Variants in PRDM14 observed in about 807,000 individuals in gnomAD.
The protein encoded by PRDM14 is PR domain zinc finger protein 14.
In PRDM14, 16 loss-of-function variants were observed where a neutral mutation model predicts 48.0. That is an observed-to-expected ratio of 0.33 (90% CI 0.23 to 0.51). The LOEUF is 0.51. Among genes scored for constraint, PRDM14 ranks in the 20% least tolerant of loss-of-function variants. The pLI, the probability that PRDM14 is intolerant of heterozygous loss-of-function variation, is 0.97. For synonymous variants in PRDM14, 264 were observed against 276.6 expected (o/e 0.95, Z 0.45); for missense variants, 566 against 719.6 (o/e 0.79, Z 2.44).
At position 70,069,744 on chromosome 8, in the gene PRDM14, G is replaced by T; in HGVS notation, c.117C>A (p.Tyr39Ter). 1 of 1,604,214 alleles carries T rather than the reference G, an allele frequency of 6.2e-7. No homozygotes were observed. The highest frequency in any genetic ancestry group is 1.1e-5 in the South Asian group (1 of 89,292). The change falls in exon 2 of 8, where the codon TAC becomes TAA. Residue 39 changes from tyrosine to a stop codon, truncating the protein, a stop_gained. Transcript: ENST00000276594. LOFTEE classifies it high-confidence loss of function. ...CCTCCACGGTGGCCAGGCTGTTTCT[G>T]TAGTGTCCATAGGACGGGAAAGGCG... is the stretch of plus-strand genomic sequence containing the variant. ...YYTPFPSYGH[Y>*]RNSLATVEED...
chr8:70,066,220 A>T lies in PRDM14; in HGVS notation c.1183+15T>A, dbSNP rs1805664270. 6.2e-7 allele frequency: 1 copy of T among 1,610,684 alleles called. No homozygotes were observed. Among genetic ancestry groups the T allele is most frequent in the East Asian group, 2.2e-5 (1 of 44,870 alleles). On this transcript the variant is annotated intron_variant, in intron 5 of 7. Transcript: ENST00000276594. ...TGGGATGCCCTCATTGGGCAAGGCG[A>T]GGGTGTGCACTCACCTTCAGAGGGC... is the stretch of plus-strand genomic sequence containing the variant.
In PRDM14 at chr8:70,066,265, G is replaced by A. The variant is rs762464897; in HGVS notation, c.1153C>T (p.Pro385Ser). The A allele has an allele frequency of 5.6e-6, 9 of 1,614,004 alleles. No individual in the cohort carries two copies. In the Admixed American group the frequency reaches 1.0e-4, roughly 18 times the overall value. The change falls in exon 5 of 8, where the codon CCG becomes TCG. Residue 385 changes from proline to serine, a missense_variant. Pro to Ser is a moderately conservative substitution (Grantham distance 74). This residue lies in a region of PRDM14 where 126 missense variants were observed against 271.6 expected (regional missense o/e 0.46). Coordinates refer to ENST00000276594, the MANE Select transcript of PRDM14 (RefSeq NM_024504.4). The stretch of plus-strand genomic sequence containing the variant: ...GAGGGCCCAGATGGCTGCTTCCCCG[G>A]CTCTGTGACCTGAAGGCTCACAGGA... ...DIPVSLQVTE[P>S]GKQPSGPSEE...
chr8:70,070,105 G>C (rs918499759), intron 1 of PRDM14, among the ~76,000 whole-genome samples: 1 of 152,206 alleles, frequency 6.6e-6, no homozygotes, highest in African/African-American at 2.4e-5. Context: ...AATCTGCCGG[G>C]ATCCTGCCCT....
intron 5 of PRDM14, among the ~76,000 whole-genome samples, chr8:70,064,890 C>CTT (rs764933551): frequency 1.5e-5 from 2 of 135,996 alleles, no homozygotes; most frequent in Admixed American, 7.5e-5. Context: ...CTCTCTCTCT[C>CTT]TTTTTTTTTT....
Position 70,069,030 on chromosome 8 carries a change from T to A in PRDM14, c.700+131A>T, listed in dbSNP as rs149036929. On this transcript the variant is annotated intron_variant, in intron 2 of 7. Transcript: ENST00000276594. ...AGTGAGCCTAGAACAGCCCTGGCTC[T>A]CATGGAGGTACTTCCCCCTTCCCGC... The A allele has an allele frequency of 3.2e-4, 225 of 701,898 alleles. 1 individual carries two copies. The African/African-American group carries it at 3.7e-3, about 11-fold the overall frequency. The allele number at this position is 701,898 out of a possible 1,614,324, so 43.5% of individuals were successfully genotyped here.
chr8:70,055,221 C>A, intron 7 of PRDM14, 79 bp downstream of exon 7: 3 of 771,126 alleles, frequency 3.9e-6, no homozygotes, highest in South Asian at 1.8e-5. Flanking sequence ...CTCATTAAGC[C>A]AGGCTTTGTT....
At chr8:70,063,687 T>C (rs943909240) in intron 5 of PRDM14, among the ~76,000 whole-genome samples, 1 of 151,922 alleles carries the variant, frequency 6.6e-6, no homozygotes, top group Non-Finnish European at 1.5e-5. Context: ...CACACCCAGC[T>C]AATTTTTTGT....
intron 6 of PRDM14, among the ~76,000 whole-genome samples, chr8:70,056,815 T>TAAAAA (rs1412294952): frequency 2.5e-5 from 1 of 40,476 alleles, no homozygotes; most frequent in African/African-American, 1.7e-4. Context: ...TGAGACTGTC[T>TAAAAA]CAAAAAAAAA....
In PRDM14 at chr8:70,052,014, T is replaced by A. The variant is rs879184969; in HGVS notation, c.*63A>T. On this transcript the variant is annotated 3_prime_UTR_variant, in exon 8 of 8. Transcript: ENST00000276594. Reference sequence around the variant, plus strand: ...GTCTCGAACTCCTGGACTTGAGTGATCCACCCACCTCTGCCTCCCAAAGTG... The same window carrying A: ...GTCTCGAACTCCTGGACTTGAGTGAACCACCCACCTCTGCCTCCCAAAGTG... 5 of 1,161,276 alleles carry A rather than the reference T, an allele frequency of 4.3e-6. No individual in the cohort carries two copies. In the Admixed American group the frequency reaches 9.9e-5, roughly 23 times the overall value. The allele number at this position is 1,161,276 out of a possible 1,614,324, so 71.9% of individuals were successfully genotyped here. A position where few individuals can be genotyped will look rare whatever the true frequency, so the allele number is the denominator to read the frequency against.
At chr8:70,055,612 C>T (rs753930632) in intron 6 of PRDM14, among the ~76,000 whole-genome samples, 16 of 151,496 alleles carry the variant, frequency 1.1e-4, no homozygotes, top group Non-Finnish European at 1.9e-4. Flanking sequence ...CTCAAGCGAT[C>T]CTCCCACCTC....
intron 6 of PRDM14, 68 bp from the exon 7 acceptor site, chr8:70,055,469 T>A: frequency 2.9e-5 from 26 of 889,270 alleles, no homozygotes; most frequent in Non-Finnish European, 4.3e-5. Context: ...CAACCTTGCG[T>A]TTACCTGGGG....
In PRDM14 at chr8:70,069,857, C is replaced by G; in HGVS notation, c.4G>C (p.Ala2Pro). MALPRPSEAVPQ... is the reference protein window; with the variant it reads MPLPRPSEAVPQ... The stretch of plus-strand genomic sequence containing the variant: ...ACGGCCTCACTTGGCCGGGGTAGAG[C>G]CATCCCGGGACCGCACGCTCGGCGG... Residue 2 changes from alanine to proline, a missense_variant, in exon 2 of 8, where the codon GCT becomes CCT. By Grantham distance (27) the Ala-to-Pro change is conservative. Transcript: ENST00000276594. 1 of 1,595,874 alleles carries G rather than the reference C, an allele frequency of 6.3e-7. No individual in the cohort carries two copies. Among genetic ancestry groups the G allele is most frequent in the Non-Finnish European group, 8.5e-7 (1 of 1,171,146 alleles).
Position 70,069,498 on chromosome 8 carries a change from G to A in PRDM14, c.363C>T (p.Tyr121=), listed in dbSNP as rs1805728317. Residue 121 remains tyrosine, a synonymous_variant, in exon 2 of 8, where the codon TAC becomes TAT. Transcript: ENST00000276594. The part of the protein sequence containing the change: ...VPPFLSSSHE[Y]AGASSEDLGH... ...CCAGATCTTCACTGCTGGCACCCGC[G>A]TACTCGTGGCTGCTGCTCAGGAAGG... 2 of 1,591,326 alleles carry A rather than the reference G, an allele frequency of 1.3e-6. No individual in the cohort carries two copies. The highest frequency in any genetic ancestry group is 1.7e-6 in the Non-Finnish European group (2 of 1,167,738).
At chr8:70,054,967 A>T (rs1380159444) in intron 7 of PRDM14, among the ~76,000 whole-genome samples, 2 of 152,086 alleles carry the variant, frequency 1.3e-5, no homozygotes, top group Non-Finnish European at 2.9e-5. Flanking sequence ...GACTACAGGC[A>T]TAAGCCACCG....
Position 70,068,210 on chromosome 8 carries a change from C to A in PRDM14, c.912+20G>T, listed in dbSNP as rs753306625. ...CTCCCGCCCCATTTTCAGCAGCAGA[C>A]CCACCAGAAACAGATTTACCTCCCA... On this transcript the variant is annotated intron_variant, in intron 4 of 7. Transcript: ENST00000276594. 1.2e-6 allele frequency: 2 copies of A among 1,613,734 alleles called. No individual in the cohort carries two copies. Among genetic ancestry groups the A allele is most frequent in the Admixed American group, 3.3e-5 (2 of 60,016 alleles).
chr8:70,060,127 G>A (rs1805551282), intron 5 of PRDM14, among the ~76,000 whole-genome samples: 1 of 143,920 alleles, frequency 6.9e-6, no homozygotes, highest in Non-Finnish European at 1.5e-5. Context: ...TGTGCCAGGT[G>A]CAGTGGCTCA....
intron 5 of PRDM14, 102 bp downstream of exon 5, chr8:70,066,133 T>TA: frequency 3.8e-6 from 5 of 1,306,764 alleles, no homozygotes; most frequent in Non-Finnish European, 5.3e-6. Context: ...TCCTCTGCAT[T>TA]AGCCTTTAGG....
rs547829233 is a variant in PRDM14 at position 70,053,897 on chromosome 8, A to G, written c.1488+1403T>C. ...AACATAATCTATACCAGTGCTTTCC[A>G]ACAGGACTTGCTGCAATAATGGGAA... On this transcript the variant is annotated intron_variant, in intron 7 of 7. Coordinates refer to ENST00000276594, the MANE Select transcript of PRDM14 (RefSeq NM_024504.4). 1.5e-3 allele frequency among the ~76,000 whole-genome samples: 224 copies of G among 152,326 alleles called. 3 individuals are homozygous for G. Among genetic ancestry groups the G allele is most frequent in the Non-Finnish European group, 2.6e-4 (18 of 68,034 alleles).
chr8:70,057,947 C>T (rs1022919435), intron 6 of PRDM14, among the ~76,000 whole-genome samples: 4 of 152,116 alleles, frequency 2.6e-5, no homozygotes, highest in Admixed American at 6.5e-5. Context: ...GGCTCAAGGT[C>T]GTAGCTGCCT....
Sources: allele counts gnomAD v4.1 joint callset (sites outside exome capture counted in the v4.1 genomes callset), GRCh38; gene constraint gnomAD v4.1.1; regional missense constraint gnomAD v4.1.1; transcripts MANE v1.5; gene names NCBI Gene and HGNC (gene_info 2026-07-23, HGNC 2026-07-21).